The following MROH7 variants were observed in gnomAD, a reference collection of about 807,000 sequenced individuals.
MROH7 encodes the protein maestro heat-like repeat-containing protein family member 7.
MROH7 carries 113 observed loss-of-function variants against 129.2 expected under a neutral mutation model. The observed-to-expected ratio is 0.87, with a 90% CI of 0.75 to 1.02. The LOEUF (loss-of-function observed/expected upper bound fraction) is 1.02, where lower values mean the gene tolerates loss of function less well. MROH7 is among the 50% of genes least tolerant of loss of function. The pLI, the probability that MROH7 is intolerant of heterozygous loss-of-function variation, is 0.00. For missense variants in MROH7, 1,601 were observed against 1,671.3 expected (o/e 0.96, Z 0.73); for synonymous variants, 655 against 667.9 (o/e 0.98, Z 0.30).
At chr1:54,648,031 A>G (rs1341103916) in intron 1 of MROH7, among the ~76,000 whole-genome samples, 1 of 151,908 alleles carries the variant, frequency 6.6e-6, no homozygotes, top group Admixed American at 6.6e-5. Context: ...ATTTTTGAAC[A>G]TACAATTTAT....
In MROH7 at chr1:54,678,776, G is replaced by C. The variant is rs777810091; in HGVS notation, c.1971G>C (p.Glu657Asp). Residue 657 changes from glutamate (E) to aspartate (D), a missense_variant, in exon 11 of 24, where the codon GAG becomes GAC. Glu to Asp is a conservative substitution (Grantham distance 45). Coordinates refer to ENST00000421030, the MANE Select transcript of MROH7 (RefSeq NM_001039464.4). ...ATAAGGAAGAGACCAACAAAAAGGA[G>C]CTATATGAGAGCAACAAGCATTTCC... ...ARDKEETNKK[E>D]LYESNKHFLG... is the part of the protein sequence containing the mutation. 1 of 1,614,106 alleles carries C rather than the reference G, an allele frequency of 6.2e-7. No individual in the cohort carries two copies. Among genetic ancestry groups the C allele is most frequent in the Non-Finnish European group, 8.5e-7 (1 of 1,179,994 alleles).
In MROH7 at chr1:54,674,061, A is replaced by G; in HGVS notation, c.1846A>G (p.Ile616Val). ...PALGLLLGRL[I>V]LHIGDPDEEI... ...GCTGGGGCTTCTGCTGGGGAGACTC[A>G]TCCTTCACATTGGGGATCCTGATGA... The change falls in exon 10 of 24, where the codon ATC (isoleucine) becomes GTC (valine). Residue 616 changes from isoleucine (I) to valine (V), a missense_variant. Ile to Val is a conservative substitution (Grantham distance 29). Transcript: ENST00000421030. 3.1e-6 allele frequency: 5 copies of G among 1,614,084 alleles called. No individual in the cohort carries two copies. Among genetic ancestry groups the G allele is most frequent in the South Asian group, 1.1e-5 (1 of 91,086 alleles).
At chr1:54,684,771 T>C (rs1350091255) in intron 14 of MROH7, among the ~76,000 whole-genome samples, 1 of 152,230 alleles carries the variant, frequency 6.6e-6, no homozygotes, top group African/African-American at 2.4e-5. Flanking sequence ...TCTCTAGCCT[T>C]GGTGCTTATA....
At chr1:54,701,075 G>A (rs1645427131) in intron 18 of MROH7, 68 bp from the exon 19 acceptor site, 2 of 1,541,186 alleles carry the variant, frequency 1.3e-6, no homozygotes, top group Non-Finnish European at 1.8e-6. Context: ...CAGTGAATCA[G>A]AGGCTGGGTC....
intron 7 of MROH7, 133 bp downstream of exon 7, chr1:54,671,062 C>A: frequency 9.8e-7 from 1 of 1,019,868 alleles, no homozygotes; most frequent in Non-Finnish European, 1.4e-6. Flanking sequence ...TGAGTAGGTA[C>A]TTGATAAATG....
chr1:54,669,890 G>T (rs1644867850), intron 5 of MROH7, among the ~76,000 whole-genome samples: 1 of 151,858 alleles, frequency 6.6e-6, no homozygotes, highest in Non-Finnish European at 1.5e-5. Flanking sequence ...TGTGGTCCCA[G>T]CTACTCAGAA....
At chr1:54,675,693 G>C (rs1428909336) in intron 10 of MROH7, among the ~76,000 whole-genome samples, 1 of 151,754 alleles carries the variant, frequency 6.6e-6, no homozygotes, top group Non-Finnish European at 1.5e-5. Context: ...AATCTTTCAG[G>C]CTCAAGCAAT....
chr1:54,666,148 T>C (rs1644810465), intron 4 of MROH7, among the ~76,000 whole-genome samples: 2 of 152,186 alleles, frequency 1.3e-5, no homozygotes, highest in South Asian at 4.1e-4. Flanking sequence ...GCACCTACCA[T>C]GGCGCCTGCA....
chr1:54,683,519 G>A (rs910476703), intron 14 of MROH7, among the ~76,000 whole-genome samples: 3 of 152,110 alleles, frequency 2.0e-5, no homozygotes, highest in African/African-American at 7.2e-5. Flanking sequence ...TTCTGCTCCT[G>A]CCCCTCCAAT....
intron 22 of MROH7, among the ~76,000 whole-genome samples, chr1:54,708,213 A>G (rs1249914160): frequency 3.3e-5 from 5 of 152,238 alleles, no homozygotes; most frequent in Non-Finnish European, 5.9e-5. Flanking sequence ...AAGGGCAGGA[A>G]TTTGAGAGTA....
chr1:54,706,310 T>A (rs1468460058), intron 21 of MROH7, 125 bp from the exon 22 acceptor site: 1 of 708,160 alleles, frequency 1.4e-6, no homozygotes, highest in East Asian at 2.5e-5. Context: ...GGGGGACTCA[T>A]GCAGAGGGAG....
chr1:54,691,882 C>T (rs943758095), intron 15 of MROH7, among the ~76,000 whole-genome samples: 5 of 141,912 alleles, frequency 3.5e-5, no homozygotes, highest in Non-Finnish European at 7.6e-5. Context: ...TCTCTCCTCC[C>T]CCCCACCCCC....
intron 14 of MROH7, among the ~76,000 whole-genome samples, chr1:54,685,522 C>A (rs1294715494): frequency 1.4e-5 from 2 of 143,678 alleles, no homozygotes; most frequent in Non-Finnish European, 3.2e-5. Context: ...CAGCCCATCA[C>A]CCACTCCCCA....
chr1:54,688,573 T>C (rs1645186692), intron 15 of MROH7, among the ~76,000 whole-genome samples: 1 of 152,174 alleles, frequency 6.6e-6, no homozygotes, highest in South Asian at 2.1e-4. Flanking sequence ...ATGTTGTATT[T>C]TGGGTAAATG....
At chr1:54,644,875 T>C (rs1208669368) in intron 1 of MROH7, among the ~76,000 whole-genome samples, 1 of 150,548 alleles carries the variant, frequency 6.6e-6, no homozygotes, top group Non-Finnish European at 1.5e-5. Flanking sequence ...GGTGGTGCAA[T>C]CTCAGCTCAC....
At chr1:54,643,791 T>C (rs114905752) in intron 1 of MROH7, among the ~76,000 whole-genome samples, 20 of 152,226 alleles carry the variant, frequency 1.3e-4, no homozygotes, top group African/African-American at 4.8e-4. Flanking sequence ...CATCTGAGAA[T>C]GTCTTTATTT....
rs759514892 is a variant in MROH7 at position 54,692,547 on chromosome 1, G to A, written c.2835G>A (p.Val945=). The A allele has an allele frequency of 6.2e-7, 1 of 1,613,490 alleles. No homozygotes were observed. The highest frequency in any genetic ancestry group is 2.2e-5 in the East Asian group (1 of 44,862). The change falls in exon 16 of 24, where the codon GTG becomes GTA. Residue 945 remains valine (V), a synonymous_variant. Transcript: ENST00000421030. ...MEQVESHHRG[V]ALLARAMVQY... is the part of the protein sequence containing the mutation. Reference sequence around the variant, plus strand: ...AGGTGGAGAGCCACCACCGCGGAGTGGCCTTGCTGGCAAGGTGAGTCCCGG... The same window carrying A: ...AGGTGGAGAGCCACCACCGCGGAGTAGCCTTGCTGGCAAGGTGAGTCCCGG...
At chr1:54,665,371 A>G (rs1289450968) in intron 4 of MROH7, 131 bp downstream of exon 4, 4 of 627,960 alleles carry the variant, frequency 6.4e-6, no homozygotes, top group East Asian at 2.8e-5. Flanking sequence ...CATAACATTC[A>G]TTGCCGTCTG....
chr1:54,676,882 T>C (rs1644990605), intron 10 of MROH7, among the ~76,000 whole-genome samples: 2 of 152,014 alleles, frequency 1.3e-5, no homozygotes, highest in Admixed American at 1.3e-4. Flanking sequence ...CTAATTTTTA[T>C]ATTTTTAATA....
Sources: gnomAD v4.1 joint callset for allele counts (sites outside exome capture counted in the v4.1 genomes callset) on GRCh38, gnomAD v4.1.1 for gene constraint, MANE v1.5 for transcripts, NCBI Gene and HGNC (gene_info 2026-07-23, HGNC 2026-07-21) for gene names.